The following SRBD1 variants were observed in gnomAD, a reference collection of about 807,000 sequenced individuals.
SRBD1 encodes S1 RNA binding domain 1, also known as S1 RNA-binding domain-containing protein 1.
In SRBD1, 88 loss-of-function variants were observed where a neutral mutation model predicts 115.3. The ratio of observed to expected loss-of-function variants is 0.76; its 90% CI spans 0.64 to 0.91. The LOEUF is 0.91. Among genes scored for constraint, SRBD1 ranks in the 40% least tolerant of loss-of-function variants. The pLI, the probability that SRBD1 is intolerant of heterozygous loss-of-function variation, is 0.00. For synonymous variants in SRBD1, 509 were observed against 407.7 expected, an observed-to-expected ratio of 1.25 and a Z score of -2.99; for missense variants, 1,385 against 1,177.4, an observed-to-expected ratio of 1.18 and a Z score of -2.58.
chr2:45,476,947 C>G, intron 16 of SRBD1, 46 bp downstream of exon 16: 1 of 1,555,734 alleles, frequency 6.4e-7, no homozygotes. Context: ...AGTACTGCTC[C>G]TTGTATTGAT....
At chr2:45,417,437 G>A (rs926995077) in intron 18 of SRBD1, among the ~76,000 whole-genome samples, 1 of 152,072 alleles carries the variant, frequency 6.6e-6, no homozygotes, top group Admixed American at 6.5e-5. Flanking sequence ...ACCTTATTCT[G>A]TGCTATTCCT....
At chr2:45,409,608 A>G (rs1667539261) in intron 19 of SRBD1, among the ~76,000 whole-genome samples, 1 of 152,056 alleles carries the variant, frequency 6.6e-6, no homozygotes, top group Admixed American at 6.5e-5. Flanking sequence ...TGATGACATA[A>G]CTACTTATAT....
intron 10 of SRBD1, among the ~76,000 whole-genome samples, chr2:45,553,949 A>G (rs1393270798): frequency 1.3e-5 from 2 of 152,234 alleles, no homozygotes; most frequent in Non-Finnish European, 2.9e-5. Flanking sequence ...ATGGTCAGAT[A>G]TAAAACAAGG....
chr2:45,556,906 C>A (rs1356232436), intron 10 of SRBD1, among the ~76,000 whole-genome samples: 1 of 151,988 alleles, frequency 6.6e-6, no homozygotes, highest in East Asian at 1.9e-4. Flanking sequence ...CTAATACATT[C>A]TATGTAAGTT....
chr2:45,502,188 T>A (rs978789836), intron 14 of SRBD1, among the ~76,000 whole-genome samples: 2 of 152,194 alleles, frequency 1.3e-5, no homozygotes, highest in Middle Eastern at 3.4e-3. Flanking sequence ...GGGTCTGGAG[T>A]GGACCTCCAG....
At chr2:45,563,053 T>C (rs1009538777) in intron 9 of SRBD1, among the ~76,000 whole-genome samples, 2 of 152,196 alleles carry the variant, frequency 1.3e-5, no homozygotes, top group African/African-American at 4.8e-5. Flanking sequence ...TTTTTGATTA[T>C]CTGGAGTTGG....
intron 14 of SRBD1, among the ~76,000 whole-genome samples, chr2:45,540,063 C>T (rs2104008928): frequency 1.3e-5 from 2 of 152,202 alleles, no homozygotes; most frequent in Admixed American, 6.5e-5. Context: ...ATTGAATGGG[C>T]CAGGCATGGT....
intron 19 of SRBD1, among the ~76,000 whole-genome samples, chr2:45,404,174 C>A (rs977427759): frequency 2.2e-4 from 34 of 152,116 alleles, no homozygotes; most frequent in African/African-American, 7.2e-4. Context: ...AGGCTCTGAA[C>A]TGAGAAGCTG....
At chr2:45,582,949 C>G (rs900491313) in intron 5 of SRBD1, among the ~76,000 whole-genome samples, 1 of 152,052 alleles carries the variant, frequency 6.6e-6, no homozygotes, top group Non-Finnish European at 1.5e-5. Flanking sequence ...AAAGTTGATT[C>G]CAGGAATCAA....
intron 10 of SRBD1, among the ~76,000 whole-genome samples, chr2:45,556,791 A>C (rs1481883146): frequency 6.6e-6 from 1 of 151,922 alleles, no homozygotes; most frequent in Non-Finnish European, 1.5e-5. Context: ...GGATTTACTT[A>C]AGTATATCTG....
chr2:45,481,798 A>C (rs1422471979), intron 15 of SRBD1, among the ~76,000 whole-genome samples: 8 of 152,200 alleles, frequency 5.3e-5, no homozygotes, highest in African/African-American at 1.9e-4. Flanking sequence ...TGAAGTGCTG[A>C]TACATGCTAC....
chr2:45,490,512 G>C (rs1244719599), intron 14 of SRBD1, among the ~76,000 whole-genome samples: 2 of 152,108 alleles, frequency 1.3e-5, no homozygotes, highest in Non-Finnish European at 2.9e-5. Flanking sequence ...AAAAGACAGA[G>C]TATCCATGAA....
At chr2:45,581,858 T>C (rs1351471771) in intron 5 of SRBD1, 48 bp from the exon 6 acceptor site, 2 of 1,471,938 alleles carry the variant, frequency 1.4e-6, no homozygotes, top group Non-Finnish European at 1.9e-6. Flanking sequence ...TGTCAAAACT[T>C]TCTTTTCAAA....
chr2:45,529,597 T>C (rs1203128807), intron 14 of SRBD1, among the ~76,000 whole-genome samples: 5 of 151,970 alleles, frequency 3.3e-5, no homozygotes, highest in Non-Finnish European at 5.9e-5. Context: ...ATTTTAATTA[T>C]TACTTTTCTC....
intron 12 of SRBD1, among the ~76,000 whole-genome samples, chr2:45,549,551 CAT>C (rs1451192720): frequency 6.7e-6 from 1 of 149,742 alleles, no homozygotes; most frequent in African/African-American, 2.5e-5. Context: ...TAAAAAAAAA[CAT>C]TACAGAAAAT....
chr2:45,504,723 T>C (rs1158718709), intron 14 of SRBD1, among the ~76,000 whole-genome samples: 4 of 152,110 alleles, frequency 2.6e-5, no homozygotes. Context: ...CCTCTAGACT[T>C]AGGACATTTA....
chr2:45,499,593 C>T (rs1333887842), intron 14 of SRBD1, among the ~76,000 whole-genome samples: 1 of 152,090 alleles, frequency 6.6e-6, no homozygotes, highest in African/African-American at 2.4e-5. Flanking sequence ...GCAGCATTTC[C>T]CCCAATGTTT....
chr2:45,474,471 C>T (rs533254557), intron 16 of SRBD1, among the ~76,000 whole-genome samples: 1 of 152,292 alleles, frequency 6.6e-6, no homozygotes, highest in East Asian at 1.9e-4. Flanking sequence ...TCCTGACATT[C>T]GAAGGTCTCT....
In SRBD1 at chr2:45,574,740, A is replaced by C; in HGVS notation, c.1073-17T>G. On this transcript the variant is annotated splice_polypyrimidine_tract_variant and intron_variant, in intron 7 of 20. Transcript: ENST00000263736. ...TTGAAAGCCCTTTAGGAGAAGGGTA[A>C]AAAGGAAAACAAAAACAAAAAGTAT... The C allele has an allele frequency of 6.3e-7, 1 of 1,588,800 alleles. No individual in the cohort carries two copies. Among genetic ancestry groups the C allele is most frequent in the Non-Finnish European group, 8.5e-7 (1 of 1,171,610 alleles).
Sources: allele counts gnomAD v4.1 joint callset (sites outside exome capture counted in the v4.1 genomes callset), GRCh38; gene constraint gnomAD v4.1.1; transcripts MANE v1.5; gene names NCBI Gene and HGNC (gene_info 2026-07-23, HGNC 2026-07-21).